The following KCNK10 variants were observed in gnomAD, a reference collection of about 807,000 sequenced individuals.
The protein encoded by KCNK10 is potassium channel subfamily K member 10.
Under a neutral mutation model 47.7 loss-of-function variants are expected in KCNK10, and 25 were observed. The ratio of observed to expected loss-of-function variants is 0.52; its 90% CI spans 0.38 to 0.73. KCNK10 has a LOEUF of 0.73. Ranked by LOEUF, KCNK10 falls within the 30% of genes least tolerant of loss-of-function variation. KCNK10 has a pLI of 0.00. For missense variants in KCNK10, 563 were observed against 714.5 expected, an observed-to-expected ratio of 0.79 and a Z score of 2.42; for synonymous variants, 303 against 285.6, an observed-to-expected ratio of 1.06 and a Z score of -0.61.
chr14:88,272,616 G>T (rs926858589), intron 1 of KCNK10, among the ~76,000 whole-genome samples: 4 of 152,140 alleles, frequency 2.6e-5, no homozygotes, highest in South Asian at 2.1e-4. Flanking sequence ...GACAAGCAGA[G>T]GAGAGAGTGT....
chr14:88,197,572 T>TGAAAAAAAA (rs1884957105), intron 4 of KCNK10, among the ~76,000 whole-genome samples: 2 of 17,142 alleles, frequency 1.2e-4, no homozygotes, highest in Non-Finnish European at 3.1e-4. Context: ...AGACTCCGAC[T>TGAAAAAAAA]AAAAAAAAAA....
chr14:88,180,510 A>C lies in KCNK10; in HGVS notation c.*5025T>G, dbSNP rs529451399. 1.7e-5 allele frequency: 5 copies of C among 290,950 alleles called. No individual in the cohort carries two copies. In the East Asian group the frequency reaches 2.8e-4, roughly 16 times the overall value. 18.0% of individuals were successfully genotyped at this position (290,950 alleles called of 1,614,324 possible). ...ACAGCAAAAGAGAGCTTCCGCAGTT[A>C]CCTTCTGCAGCATAGGTCTGCTGAA... On this transcript the variant is annotated 3_prime_UTR_variant, in exon 7 of 7. Coordinates refer to ENST00000319231, the MANE Select transcript of KCNK10 (RefSeq NM_138317.3).
At chr14:88,233,293 C>T (rs1886206454) in intron 3 of KCNK10, among the ~76,000 whole-genome samples, 1 of 152,186 alleles carries the variant, frequency 6.6e-6, no homozygotes, top group South Asian at 2.1e-4. Context: ...TTGATGAATT[C>T]TAGGCAGAAC....
chr14:88,277,468 G>A (rs754099280), intron 1 of KCNK10, among the ~76,000 whole-genome samples: 1 of 152,198 alleles, frequency 6.6e-6, no homozygotes, highest in Non-Finnish European at 1.5e-5. Context: ...GCGCAGGTTA[G>A]AGGAAGAGAG....
intron 4 of KCNK10, among the ~76,000 whole-genome samples, chr14:88,220,009 A>G (rs749632462): frequency 2.6e-5 from 4 of 152,326 alleles, no homozygotes; most frequent in Non-Finnish European, 5.9e-5. Context: ...AGAAGGGGAA[A>G]TCTACAGGGT....
intron 1 of KCNK10, among the ~76,000 whole-genome samples, chr14:88,295,637 G>C (rs145190723): frequency 1.3e-5 from 2 of 152,162 alleles, no homozygotes; most frequent in East Asian, 3.9e-4. Flanking sequence ...TCCAGCATGA[G>C]TGACAGAGCT....
At chr14:88,266,243 G>T (rs1325351659) in intron 1 of KCNK10, among the ~76,000 whole-genome samples, 1 of 152,234 alleles carries the variant, frequency 6.6e-6, no homozygotes, top group Admixed American at 6.5e-5. Flanking sequence ...TGGATGAGCA[G>T]CGTCAAATGG....
intron 4 of KCNK10, among the ~76,000 whole-genome samples, chr14:88,198,294 C>T (rs1213937841): frequency 6.6e-6 from 1 of 152,124 alleles, no homozygotes; most frequent in Admixed American, 6.5e-5. Flanking sequence ...TGAAAGAAAG[C>T]CCATGGAAAG....
chr14:88,310,064 G>A (rs143786545), intron 1 of KCNK10, among the ~76,000 whole-genome samples: 63 of 146,076 alleles, frequency 4.3e-4, no homozygotes, highest in African/African-American at 1.5e-3. Flanking sequence ...CTGTACCCAC[G>A]GGTAATTGGA....
intron 1 of KCNK10, among the ~76,000 whole-genome samples, chr14:88,268,924 G>A (rs1187843992): frequency 6.6e-6 from 1 of 152,204 alleles, no homozygotes; most frequent in Admixed American, 6.5e-5. Context: ...CACTTTGGGA[G>A]GCTGGGAGTT....
At position 88,288,169 on chromosome 14, in the gene KCNK10, C is replaced by T. The variant is rs144014286; in HGVS notation, c.53-24618G>A. Among the ~76,000 whole-genome samples the T allele has an allele frequency of 2.0e-3, 298 of 152,242 alleles. 2 individuals carry two copies. Among genetic ancestry groups the T allele is most frequent in the African/African-American group, 6.6e-3 (273 of 41,544 alleles). On this transcript the variant is annotated intron_variant, in intron 1 of 6. Transcript: ENST00000319231. ...CACACGTTCTAAAGCAAAAAGTATG[C>T]CCCTTCTAAAGCAAAATGTACAGCT... is the stretch of plus-strand genomic sequence containing the variant.
chr14:88,210,829 GAAAA>G (rs71126970), intron 4 of KCNK10, among the ~76,000 whole-genome samples: 11 of 138,646 alleles, frequency 7.9e-5, no homozygotes, highest in East Asian at 4.1e-4. Context: ...AAAGTTAAAG[GAAAA>G]AAAAAAAAAA....
intron 2 of KCNK10, among the ~76,000 whole-genome samples, chr14:88,262,631 C>T (rs1358260049): frequency 6.6e-6 from 1 of 152,116 alleles, no homozygotes; most frequent in African/African-American, 2.4e-5. Context: ...GGCCTTAGTA[C>T]AGTGCCTGAT....
At chr14:88,263,587 G>T (rs761971) in intron 1 of KCNK10, 36 bp from the exon 2 acceptor site, 1,004,182 of 1,543,648 alleles carry the variant, frequency 0.65, 328,234 homozygotes, top group Admixed American at 0.8. Flanking sequence ...GAAGAAGAGA[G>T]TTTGTTTATA....
Position 88,323,016 on chromosome 14 carries a change from T to TG in KCNK10, c.-219dup. On this transcript the variant is annotated 5_prime_UTR_variant, in exon 1 of 7. Transcript: ENST00000319231. ...TTGGGTGTTTGCACCGGCCAGGGGG[T>TG]GGCCGGCCGCGGCCCCGTGGGTAAA... 7.3e-7 allele frequency: 1 copy of TG among 1,360,776 alleles called. No homozygotes were observed. Among genetic ancestry groups the TG allele is most frequent in the Non-Finnish European group, 9.5e-7 (1 of 1,057,226 alleles). The allele number at this position is 1,360,776 out of a possible 1,614,324, so 84.3% of individuals were successfully genotyped here. A position where few individuals can be genotyped will look rare whatever the true frequency, so the allele number is the denominator to read the frequency against.
intron 1 of KCNK10, among the ~76,000 whole-genome samples, chr14:88,278,268 T>A (rs1237666790): frequency 2.0e-5 from 3 of 152,188 alleles, no homozygotes; most frequent in Non-Finnish European, 2.9e-5. Context: ...GGCTTCAGTA[T>A]CATTTTCAAG....
At chr14:88,265,282 G>C (rs780553260) in intron 1 of KCNK10, among the ~76,000 whole-genome samples, 3 of 152,172 alleles carry the variant, frequency 2.0e-5, no homozygotes, top group Non-Finnish European at 2.9e-5. Context: ...GATGATCTTG[G>C]ATTATATGGT....
intron 4 of KCNK10, among the ~76,000 whole-genome samples, chr14:88,192,660 ATCCTG>A (rs1161643442): frequency 2.0e-5 from 3 of 152,234 alleles, no homozygotes; most frequent in Non-Finnish European, 4.4e-5. Context: ...AAACAAAAAA[ATCCTG>A]CTTAGCCAAT....
chr14:88,270,991 T>C, intron 1 of KCNK10: 3 of 611,774 alleles, frequency 4.9e-6, no homozygotes, highest in Non-Finnish European at 8.8e-6. Context: ...CAAGCAACCT[T>C]TGCCCCAGCC....
Sources: allele counts gnomAD v4.1 joint callset (sites outside exome capture counted in the v4.1 genomes callset), GRCh38; gene constraint gnomAD v4.1.1; transcripts MANE v1.5; gene names NCBI Gene and HGNC (gene_info 2026-07-23, HGNC 2026-07-21).